Variants in SOS2 observed in about 807,000 individuals in gnomAD.
SOS2 encodes SOS Ras/Rho guanine nucleotide exchange factor 2.
Under a neutral mutation model 148.2 loss-of-function variants are expected in SOS2, and 65 were observed. That is an observed-to-expected ratio of 0.44 (90% confidence interval 0.36 to 0.54). The LOEUF (loss-of-function observed/expected upper bound fraction) is 0.54, where lower values mean the gene tolerates loss of function less well. SOS2 is among the 20% of genes least tolerant of loss of function. The pLI, the probability that SOS2 is intolerant of heterozygous loss-of-function variation, is 0.00. For synonymous variants in SOS2, 539 were observed against 537.1 expected (o/e 1.00, Z -0.05); for missense variants, 1,341 against 1,590.2 (o/e 0.84, Z 2.67).
chr14:50,145,361 A>G (rs910225730), intron 15 of SOS2, 29 bp from the exon 16 acceptor site: 1 of 1,583,174 alleles, frequency 6.3e-7, no homozygotes, highest in Non-Finnish European at 8.6e-7. Context: ...CATGGCTTAG[A>G]AAAGTTTCTT....
intron 8 of SOS2, among the ~76,000 whole-genome samples, chr14:50,168,893 G>C (rs543680173): frequency 1.3e-5 from 2 of 152,034 alleles, no homozygotes; most frequent in African/African-American, 4.8e-5. Context: ...ATTTATTCTT[G>C]GATTTAGTGT....
In SOS2 at chr14:50,202,274, A is replaced by T. The variant is rs72681877; in HGVS notation, c.214-1190T>A. On this transcript the variant is annotated intron_variant, in intron 2 of 22. Coordinates refer to ENST00000216373, the MANE Select transcript of SOS2 (RefSeq NM_006939.4). ...CCACTGCACCTAGGCAGTTCATCTA[A>T]TTTTAATTTAATCAGTGATTCATTG... Among the ~76,000 whole-genome samples, 1,400 of 152,294 alleles carry T rather than the reference A, an allele frequency of 9.2e-3. 10 individuals are homozygous for T. The highest frequency in any genetic ancestry group is 0.016 in the Non-Finnish European group (1,077 of 68,022).
chr14:50,231,110 G>A, intron 1 of SOS2, 87 bp downstream of exon 1: 2 of 793,244 alleles, frequency 2.5e-6, no homozygotes, highest in Non-Finnish European at 1.7e-6. Context: ...CCGGGGACTC[G>A]AGCCCTGTGG....
chr14:50,153,344 TAG>T (rs1312072738), intron 12 of SOS2, among the ~76,000 whole-genome samples, 171 bp from the exon 13 acceptor site: 1 of 152,140 alleles, frequency 6.6e-6, no homozygotes. Context: ...AAGAGGAGAG[TAG>T]GTCTCCAAAC....
chr14:50,218,644 T>C (rs899481583), intron 1 of SOS2, among the ~76,000 whole-genome samples: 2 of 151,982 alleles, frequency 1.3e-5, no homozygotes, highest in African/African-American at 2.4e-5. Context: ...ATGAAAGATG[T>C]TGAACATCAT....
At chr14:50,171,935 C>A (rs1006119408) in intron 8 of SOS2, among the ~76,000 whole-genome samples, 2 of 151,632 alleles carry the variant, frequency 1.3e-5, no homozygotes, top group Non-Finnish European at 2.9e-5. Context: ...TTGTACATTT[C>A]TCTTGGTATA....
At chr14:50,158,911 G>A (rs938198693) in intron 10 of SOS2, among the ~76,000 whole-genome samples, 8 of 152,132 alleles carry the variant, frequency 5.3e-5, no homozygotes, top group African/African-American at 1.9e-4. Flanking sequence ...ATGGCTGGGT[G>A]AGGTGGCTCA....
chr14:50,182,709 T>A, intron 5 of SOS2, 103 bp from the exon 6 acceptor site: 1 of 836,234 alleles, frequency 1.2e-6, no homozygotes, highest in Non-Finnish European at 1.9e-6. Context: ...AGACTGCCTA[T>A]GGAATAGCCC....
chr14:50,133,770 T>C (rs1324965064), intron 19 of SOS2, among the ~76,000 whole-genome samples: 1 of 152,118 alleles, frequency 6.6e-6, no homozygotes, highest in African/African-American at 2.4e-5. Flanking sequence ...ATGGCAGAAG[T>C]CATATCAAGT....
intron 2 of SOS2, among the ~76,000 whole-genome samples, chr14:50,202,553 G>A (rs1228191686): frequency 6.6e-6 from 1 of 151,972 alleles, no homozygotes; most frequent in South Asian, 2.1e-4. Flanking sequence ...GCGCAATGTA[G>A]GGAGACCCTG....
intron 22 of SOS2, among the ~76,000 whole-genome samples, chr14:50,119,804 T>TA (rs1883438387): frequency 1.5e-5 from 1 of 66,152 alleles, no homozygotes; most frequent in African/African-American, 7.1e-5. Flanking sequence ...CCAACCAGCC[T>TA]TTTTTTTTTT....
Position 50,172,419 on chromosome 14 carries a change from C to CTTTTTTTTTTTTTTTTTTTTTTTTTTTT in SOS2, c.1068+2034_1068+2035insAAAAAAAAAAAAAAAAAAAAAAAAAAAA, listed in dbSNP as rs768766517. On this transcript the variant is annotated intron_variant, in intron 8 of 22. Coordinates refer to ENST00000216373, the MANE Select transcript of SOS2 (RefSeq NM_006939.4). ...ATGGGTAGTTTCTCTTTATTCATTC[C>CTTTTTTTTTTTTTTTTTTTTTTTTTTTT]TTTTTTTTTTTTTTCTGAGATGGAG... Among the ~76,000 whole-genome samples, 9 of 82,762 alleles carry CTTTTTTTTTTTTTTTTTTTTTTTTTTTT rather than the reference C, an allele frequency of 1.1e-4. 3 individuals are homozygous for CTTTTTTTTTTTTTTTTTTTTTTTTTTTT. The highest frequency in any genetic ancestry group is 2.0e-4 in the African/African-American group (4 of 19,830). 54.3% of individuals were successfully genotyped at this position (82,762 alleles called of 152,430 possible). A position where few individuals can be genotyped will look rare whatever the true frequency, so the allele number is the denominator to read the frequency against.
intron 21 of SOS2, among the ~76,000 whole-genome samples, chr14:50,129,459 AC>A (rs2139508364): frequency 6.6e-6 from 1 of 152,234 alleles, no homozygotes; most frequent in African/African-American, 2.4e-5. Context: ...ATCTCAGCTC[AC>A]CACAACCTCT....
At chr14:50,148,013 T>C (rs188918308) in intron 14 of SOS2, among the ~76,000 whole-genome samples, 2 of 152,330 alleles carry the variant, frequency 1.3e-5, no homozygotes, top group East Asian at 3.9e-4. Context: ...GACTTGGTTA[T>C]TCATTAAAAA....
intron 1 of SOS2, among the ~76,000 whole-genome samples, chr14:50,217,785 T>A (rs1887077502): frequency 6.6e-6 from 1 of 151,916 alleles, no homozygotes; most frequent in Non-Finnish European, 1.5e-5. Flanking sequence ...TGAAACCCCG[T>A]CTGTACTAAA....
chr14:50,133,972 T>TC lies in SOS2; in HGVS notation c.3075+150dup, dbSNP rs144665765. 0.023 allele frequency: 14,419 copies of TC among 622,518 alleles called. 228 individuals are homozygous for TC. Among genetic ancestry groups the TC allele is most frequent in the African/African-American group, 0.078 (4,146 of 52,974 alleles). 38.6% of individuals were successfully genotyped at this position (622,518 alleles called of 1,614,324 possible). A position where few individuals can be genotyped will look rare whatever the true frequency, so the allele number is the denominator to read the frequency against. On this transcript the variant is annotated intron_variant, in intron 19 of 22. Coordinates refer to ENST00000216373, the MANE Select transcript of SOS2 (RefSeq NM_006939.4). The stretch of plus-strand genomic sequence containing the variant: ...CAGATTTTATCAAAAGGCTGACATT[T>TC]CCCCCCCCAGTTTTAGAAATAGTAT...
intron 1 of SOS2, among the ~76,000 whole-genome samples, chr14:50,211,282 A>G (rs1886860731): frequency 6.6e-6 from 1 of 152,154 alleles, no homozygotes; most frequent in Non-Finnish European, 1.5e-5. Context: ...ATTAAAATCA[A>G]CTTCATCTGT....
At chr14:50,215,470 C>A in intron 1 of SOS2, 1 of 1,247,688 alleles carries the variant, frequency 8.0e-7, no homozygotes, top group Non-Finnish European at 1.0e-6. Context: ...CACGACAGAA[C>A]CAATTTGCCT....
chr14:50,198,218 T>C (rs1442990304), intron 4 of SOS2, among the ~76,000 whole-genome samples: 1 of 152,168 alleles, frequency 6.6e-6, no homozygotes, highest in Admixed American at 6.6e-5. Context: ...TCAGTCATAC[T>C]GTGGTAATGT....
Sources: allele counts gnomAD v4.1 joint callset (sites outside exome capture counted in the v4.1 genomes callset), GRCh38; gene constraint gnomAD v4.1.1; transcripts MANE v1.5; gene names NCBI Gene and HGNC (gene_info 2026-07-23, HGNC 2026-07-21).